SNTB2: variants seen among roughly 807,000 people sequenced by gnomAD.
The protein encoded by SNTB2 is syntrophin beta 2.
A neutral mutation model predicts 46.2 loss-of-function variants in SNTB2; 34 were observed. The observed-to-expected ratio is 0.74, with a 90% CI of 0.56 to 0.98. The LOEUF (loss-of-function observed/expected upper bound fraction) is 0.98. SNTB2 is among the 50% of genes least tolerant of loss of function. The pLI is 0.00. For synonymous variants in SNTB2, 290 were observed against 312.6 expected, an observed-to-expected ratio of 0.93 and a Z score of 0.76; for missense variants, 603 against 731.4, an observed-to-expected ratio of 0.82 and a Z score of 2.02.
intron 5 of SNTB2, 131 bp downstream of exon 5, chr16:69,284,375 T>C: frequency 1.8e-6 from 1 of 563,348 alleles, no homozygotes; most frequent in Non-Finnish European, 2.8e-6. Flanking sequence ...TATACTACTA[T>C]ATTTTTACTA....
chr16:69,188,640 A>T (rs563750973), intron 1 of SNTB2, among the ~76,000 whole-genome samples: 1 of 152,244 alleles, frequency 6.6e-6, no homozygotes, highest in African/African-American at 2.4e-5. Context: ...ATAAACGAAA[A>T]GTCAGCTGCT....
At chr16:69,297,926 A>C (rs995446030) in intron 5 of SNTB2, among the ~76,000 whole-genome samples, 1 of 152,050 alleles carries the variant, frequency 6.6e-6, no homozygotes, top group African/African-American at 2.4e-5. Flanking sequence ...AACAAACAAA[A>C]AAAAGAATCT....
intron 1 of SNTB2, 65 bp downstream of exon 1, chr16:69,187,811 G>T: frequency 7.8e-7 from 1 of 1,277,830 alleles, no homozygotes; most frequent in Non-Finnish European, 1.0e-6. Context: ...AGCTCACTTT[G>T]TTCCTGCCCC....
intron 1 of SNTB2, among the ~76,000 whole-genome samples, chr16:69,202,403 T>A (rs1348014464): frequency 2.7e-5 from 3 of 110,140 alleles, no homozygotes; most frequent in Admixed American, 2.6e-4. Context: ...ACTGTTAGAA[T>A]TTTTTTTTTT....
intron 3 of SNTB2, among the ~76,000 whole-genome samples, chr16:69,268,999 G>A (rs994564694): frequency 1.1e-4 from 16 of 150,566 alleles, no homozygotes; most frequent in Non-Finnish European, 2.2e-4. Context: ...GAGAAACCTC[G>A]TCTCTACTAA....
chr16:69,260,333 C>G, intron 3 of SNTB2, 73 bp downstream of exon 3: 1 of 1,361,082 alleles, frequency 7.3e-7, no homozygotes. Flanking sequence ...TTTAATATAT[C>G]TGTAATACTT....
chr16:69,253,928 C>G (rs967192755), intron 2 of SNTB2, among the ~76,000 whole-genome samples: 1 of 152,058 alleles, frequency 6.6e-6, no homozygotes, highest in South Asian at 2.1e-4. Flanking sequence ...GGTGAACATT[C>G]TGTGCCTCGA....
rs974065545 is a variant in SNTB2 at position 69,223,094 on chromosome 16, A to G, written c.581-22508A>G. On this transcript the variant is annotated intron_variant, in intron 1 of 6. Transcript: ENST00000336278. ...AGCCGTTTTGTTCTTATTACTTACAATTCTTTTGCTTTTAGACTTAAAAGT... is the reference window on the plus strand; with the variant it reads ...AGCCGTTTTGTTCTTATTACTTACAGTTCTTTTGCTTTTAGACTTAAAAGT... 1.8e-4 allele frequency among the ~76,000 whole-genome samples: 27 copies of G among 152,120 alleles called. No homozygotes were observed. In the East Asian group the frequency reaches 4.4e-3, roughly 25 times the overall value.
intron 1 of SNTB2, chr16:69,230,269 T>C (rs1406837693): frequency 2.0e-5 from 3 of 152,196 alleles, no homozygotes; most frequent in African/African-American, 7.2e-5. Flanking sequence ...AACATACTGA[T>C]CTATATATAC....
chr16:69,299,863 C>A (rs1214286920), intron 6 of SNTB2, 89 bp downstream of exon 6: 3 of 1,334,226 alleles, frequency 2.2e-6, no homozygotes, highest in Non-Finnish European at 3.1e-6. Context: ...AAGTCATGGA[C>A]TGACATTCCA....
chr16:69,290,789 T>C (rs1266648396), intron 5 of SNTB2, among the ~76,000 whole-genome samples: 4 of 152,154 alleles, frequency 2.6e-5, no homozygotes, highest in Non-Finnish European at 4.4e-5. Context: ...GGGGCAGATG[T>C]TGTCACCTGC....
chr16:69,271,276 A>C (rs1230964477), intron 4 of SNTB2, among the ~76,000 whole-genome samples: 2 of 152,194 alleles, frequency 1.3e-5, no homozygotes, highest in African/African-American at 4.8e-5. Context: ...GGATTTGGTG[A>C]GCCTCAGTAT....
rs143003083 is a variant in SNTB2, at chr16:69,209,213, C to T, written c.580+21467C>T. Among the ~76,000 whole-genome samples the T allele has an allele frequency of 7.6e-3, 1,158 of 152,194 alleles. 15 individuals are homozygous for T. The highest frequency in any genetic ancestry group is 0.025 in the African/African-American group (1,042 of 41,540). On this transcript the variant is annotated intron_variant, in intron 1 of 6. Coordinates refer to ENST00000336278, the MANE Select transcript of SNTB2 (RefSeq NM_006750.4). ...GTCTCGATCTCCTGACCTCATGATC[C>T]GCCTGCCTCAGCCTCCCAAAGTGCC...
At chr16:69,195,548 G>A (rs887821605) in intron 1 of SNTB2, among the ~76,000 whole-genome samples, 1 of 151,952 alleles carries the variant, frequency 6.6e-6, no homozygotes, top group Non-Finnish European at 1.5e-5. Context: ...TGAGACCGGG[G>A]GTGGATCTAG....
chr16:69,214,668 A>G (rs1964328914), intron 1 of SNTB2, among the ~76,000 whole-genome samples: 1 of 150,940 alleles, frequency 6.6e-6, no homozygotes, highest in African/African-American at 2.4e-5. Context: ...CTGGGATTAC[A>G]GGCGCCTGCC....
chr16:69,269,877 A>T (rs542513709), intron 3 of SNTB2, among the ~76,000 whole-genome samples: 1 of 152,178 alleles, frequency 6.6e-6, no homozygotes, highest in South Asian at 2.1e-4. Context: ...GAAAAAACAG[A>T]ATTGGCAATG....
intron 2 of SNTB2, among the ~76,000 whole-genome samples, chr16:69,250,393 G>A (rs1256889973): frequency 6.6e-6 from 1 of 152,188 alleles, no homozygotes; most frequent in Non-Finnish European, 1.5e-5. Context: ...CAAGCTACTT[G>A]TTTTCCACAA....
intron 2 of SNTB2, 64 bp downstream of exon 2, chr16:69,245,879 A>G (rs1964666162): frequency 2.7e-6 from 4 of 1,485,594 alleles, no homozygotes; most frequent in Non-Finnish European, 3.8e-6. Context: ...ATGTTGCAGT[A>G]TTATATGACT....
chr16:69,294,306 T>C (rs1284245155), intron 5 of SNTB2, among the ~76,000 whole-genome samples: 1 of 152,174 alleles, frequency 6.6e-6, no homozygotes, highest in Admixed American at 6.5e-5. Flanking sequence ...CATGAGCCAC[T>C]GTGCCCAGCC....
Sources: gnomAD v4.1 joint callset for allele counts (sites outside exome capture counted in the v4.1 genomes callset) on GRCh38, gnomAD v4.1.1 for gene constraint, MANE v1.5 for transcripts, NCBI Gene and HGNC (gene_info 2026-07-23, HGNC 2026-07-21) for gene names.